C12orf42: variants seen among roughly 807,000 people sequenced by gnomAD.
C12orf42 encodes the protein chromosome 12 open reading frame 42.
C12orf42 carries 25 observed loss-of-function variants against 21.6 expected under a neutral mutation model. The observed-to-expected ratio is 1.16, with a 90% CI of 0.84 to 1.62. C12orf42 has a LOEUF of 1.62. C12orf42 is among the 40% of genes most tolerant of loss of function. The pLI, the probability that C12orf42 is intolerant of heterozygous loss-of-function variation, is 0.00. For synonymous variants in C12orf42, 174 were observed against 175.0 expected, an observed-to-expected ratio of 0.99 and a Z score of 0.05; for missense variants, 483 against 459.3, an observed-to-expected ratio of 1.05 and a Z score of -0.47.
intron 3 of C12orf42, among the ~76,000 whole-genome samples, chr12:103,390,728 C>T (rs1184346569): frequency 1.3e-5 from 2 of 152,182 alleles, no homozygotes. Flanking sequence ...CAGTCCAAGT[C>T]CAAAGGCTTG....
chr12:103,458,036 C>G (rs1952430643), intron 2 of C12orf42, among the ~76,000 whole-genome samples: 1 of 152,180 alleles, frequency 6.6e-6, no homozygotes, highest in Middle Eastern at 3.2e-3. Context: ...ACTCCATTGA[C>G]TGGTCATCTT....
the C12orf42 span, among the ~76,000 whole-genome samples, chr12:103,222,741 AT>A: frequency 6.6e-6 from 1 of 151,788 alleles, no homozygotes; most frequent in African/African-American, 2.4e-5. Context: ...ATTTTACTAC[AT>A]TTTTTCTATA....
the C12orf42 span, chr12:103,080,829 T>G: frequency 6.6e-6 from 1 of 152,150 alleles, no homozygotes; most frequent in Admixed American, 6.5e-5. Context: ...TTAGTTCATA[T>G]AAAAATCTTA....
At chr12:103,337,733 C>A (rs928232225) in intron 4 of C12orf42, among the ~76,000 whole-genome samples, 1 of 152,144 alleles carries the variant, frequency 6.6e-6, no homozygotes, top group African/African-American at 2.4e-5. Flanking sequence ...TGTATGGTAG[C>A]CACGCAAACC....
the C12orf42 span, among the ~76,000 whole-genome samples, chr12:103,077,331 C>T: frequency 6.6e-6 from 1 of 152,106 alleles, no homozygotes; most frequent in Admixed American, 6.5e-5. Context: ...ATTATAAAAT[C>T]AGGATAGACC....
chr12:103,215,643 G>T, the C12orf42 span, among the ~76,000 whole-genome samples: 2 of 152,176 alleles, frequency 1.3e-5, no homozygotes, highest in Admixed American at 6.5e-5. Flanking sequence ...TTGTATAAAG[G>T]CTGGGATTTC....
intron 4 of C12orf42, among the ~76,000 whole-genome samples, chr12:103,358,640 T>C (rs1040355263): frequency 7.2e-5 from 11 of 152,030 alleles, no homozygotes; most frequent in African/African-American, 2.7e-4. Flanking sequence ...ACTCAAGAAT[T>C]ATTGTGAATG....
At chr12:103,320,959 A>G (rs2040028436) in intron 4 of C12orf42, among the ~76,000 whole-genome samples, 2 of 152,204 alleles carry the variant, frequency 1.3e-5, no homozygotes, top group Non-Finnish European at 2.9e-5. Flanking sequence ...TTCTGAATCC[A>G]GCCCAGTGCC....
the C12orf42 span, among the ~76,000 whole-genome samples, chr12:103,104,724 C>T: frequency 1.3e-5 from 2 of 152,304 alleles, no homozygotes; most frequent in South Asian, 2.1e-4. Flanking sequence ...TGAGCCACCG[C>T]GCCTGGCCGG....
At chr12:103,493,948 T>A (rs879394641) in intron 1 of C12orf42, among the ~76,000 whole-genome samples, 4 of 152,198 alleles carry the variant, frequency 2.6e-5, no homozygotes, top group Non-Finnish European at 5.9e-5. Context: ...TTCTTTGAAT[T>A]CCAGTAAGTA....
chr12:103,392,533 A>G (rs1238020237), intron 3 of C12orf42, among the ~76,000 whole-genome samples: 1 of 152,142 alleles, frequency 6.6e-6, no homozygotes, highest in Non-Finnish European at 1.5e-5. Flanking sequence ...CAACATACAC[A>G]TCTTTTGCCT....
intron 2 of C12orf42, among the ~76,000 whole-genome samples, chr12:103,468,094 A>C (rs1255922566): frequency 2.0e-5 from 3 of 152,232 alleles, no homozygotes; most frequent in Non-Finnish European, 4.4e-5. Flanking sequence ...TGCTTTGGAA[A>C]ATAACTTATT....
At chr12:103,146,596 GAAAGAAAGAAAGA>G in the C12orf42 span, among the ~76,000 whole-genome samples, 1 of 149,620 alleles carries the variant, frequency 6.7e-6, no homozygotes, top group African/African-American at 2.5e-5. Context: ...AAGAAAGAAA[GAAAGAAAGAAAGA>G]AAAAGAAAAG....
chr12:103,412,365 T>C (rs932112562), intron 2 of C12orf42, among the ~76,000 whole-genome samples: 2 of 152,156 alleles, frequency 1.3e-5, no homozygotes, highest in Non-Finnish European at 2.9e-5. Context: ...TCAGGTAAAC[T>C]GGAATAAAAT....
At chr12:103,128,613 A>G in the C12orf42 span, among the ~76,000 whole-genome samples, 1 of 152,238 alleles carries the variant, frequency 6.6e-6, no homozygotes, top group Non-Finnish European at 1.5e-5. Context: ...CATCTTTAAA[A>G]TGGGAACAAC....
chr12:103,164,578 T>C, the C12orf42 span: 1 of 419,186 alleles, frequency 2.4e-6, no homozygotes, highest in Non-Finnish European at 4.8e-6. Flanking sequence ...ATAAAAGACA[T>C]TGTCCTGAAG....
At chr12:103,351,332 G>A (rs12305336) in intron 4 of C12orf42, among the ~76,000 whole-genome samples, 50,001 of 151,856 alleles carry the variant, frequency 0.33, 8,768 homozygotes, top group African/African-American at 0.45. Flanking sequence ...CCTCACTTCC[G>A]TTTTTTGTTT....
At chr12:103,501,271 A>C in the C12orf42 span, among the ~76,000 whole-genome samples, 1 of 152,198 alleles carries the variant, frequency 6.6e-6, no homozygotes, top group Non-Finnish European at 1.5e-5. Flanking sequence ...TGAGCAATTC[A>C]CTGGGAGTGT....
chr12:103,392,739 A>G (rs2047179726), intron 3 of C12orf42, among the ~76,000 whole-genome samples: 1 of 152,222 alleles, frequency 6.6e-6, no homozygotes, highest in Non-Finnish European at 1.5e-5. Flanking sequence ...ACAAATCTGT[A>G]AAGTAGCACT....
Sources: allele counts gnomAD v4.1 joint callset (sites outside exome capture counted in the v4.1 genomes callset), GRCh38; gene constraint gnomAD v4.1.1; transcripts MANE v1.5; gene names NCBI Gene and HGNC (gene_info 2026-07-23, HGNC 2026-07-21).